MYO18A: variants seen among roughly 807,000 people sequenced by gnomAD.
The protein encoded by MYO18A is myosin XVIIIA, also known as unconventional myosin-XVIIIa.
In MYO18A, 78 loss-of-function variants were observed where a neutral mutation model predicts 235.8. The ratio of observed to expected loss-of-function variants is 0.33; its 90% confidence interval spans 0.28 to 0.40. MYO18A has a LOEUF of 0.40. Ranked by LOEUF, MYO18A falls within the 10% of genes least tolerant of loss-of-function variation. The probability of loss-of-function intolerance (pLI) is 1.00; values close to 1 mark genes in which losing one functional copy is unlikely to be tolerated. For synonymous variants in MYO18A, 977 were observed against 1,077.8 expected (o/e 0.91, Z 1.83); for missense variants, 2,215 against 2,699.3 (o/e 0.82, Z 3.98).
intron 21 of MYO18A, among the ~76,000 whole-genome samples, chr17:29,102,413 C>CA (rs1351131085): frequency 1.3e-5 from 2 of 152,134 alleles, no homozygotes; most frequent in Admixed American, 6.5e-5. Context: ...ATCCTGACAG[C>CA]AGATAGCCCT....
chr17:29,136,256 T>A (rs558700967), intron 2 of MYO18A, among the ~76,000 whole-genome samples: 2,938 of 117,084 alleles, frequency 0.025, 53 homozygotes, highest in East Asian at 0.075. Flanking sequence ...AAAAAATATA[T>A]ATATATATAT....
At chr17:29,085,468 T>C (rs538399423) in intron 40 of MYO18A, 136 bp downstream of exon 40, 19 of 756,592 alleles carry the variant, frequency 2.5e-5, no homozygotes, top group South Asian at 2.5e-4. Flanking sequence ...ATGTTAGCGT[T>C]AGAGACCAGT....
At position 29,126,811 on chromosome 17, in the gene MYO18A, G is replaced by A. The variant is rs2067332634; in HGVS notation, c.1000-4558C>T. Among the ~76,000 whole-genome samples the A allele has an allele frequency of 6.6e-6, 1 of 152,202 alleles. No homozygotes were observed. Among genetic ancestry groups the A allele is most frequent in the South Asian group, 2.1e-4 (1 of 4,834 alleles). On this transcript the variant is annotated intron_variant, in intron 2 of 41. Coordinates refer to ENST00000527372, the MANE Select transcript of MYO18A (RefSeq NM_078471.4). The surrounding 1 kb of genome is among the most constrained non-coding windows in gnomAD (Gnocchi z 4.1). The stretch of plus-strand genomic sequence containing the variant: ...AGCCAAGAAGGCAACACTTTCCAAG[G>A]GAAAGAGGCTGGACTGACCCTCCCT...
chr17:29,082,994 G>A (rs2066157534), intron 40 of MYO18A, among the ~76,000 whole-genome samples: 1 of 149,952 alleles, frequency 6.7e-6, no homozygotes, highest in Admixed American at 6.8e-5. Context: ...CACCAACCTG[G>A]GCTCTAGGTT....
chr17:29,165,959 G>A lies in MYO18A; in HGVS notation c.982C>T (p.Arg328Cys), dbSNP rs572606562. 4.8e-5 allele frequency: 78 copies of A among 1,612,766 alleles called. No individual in the cohort carries two copies. Among genetic ancestry groups the A allele is most frequent in the Non-Finnish European group, 5.8e-5 (68 of 1,179,570 alleles). The change falls in exon 2 of 42, where the codon CGC becomes TGC. Residue 328 changes from arginine to cysteine, a missense_variant. Transcript: ENST00000527372. ...GCACTCACATCGGATGGCTCCCTGC[G>A]AGGTCCCTCGCCGCTCCGCAGCCAG... ...RSWLRSGEGP[R>C]REPSDAKTEE...
At chr17:29,094,192 A>C (rs1363091068) in intron 30 of MYO18A, 102 bp from the exon 31 acceptor site, 222 of 795,052 alleles carry the variant, frequency 2.8e-4, no homozygotes, top group Non-Finnish European at 2.0e-6. Flanking sequence ...GAGAACGTCC[A>C]CCAGCCAGTT....
At chr17:29,130,709 C>G (rs1049016690) in intron 2 of MYO18A, among the ~76,000 whole-genome samples, 6 of 152,176 alleles carry the variant, frequency 3.9e-5, no homozygotes, top group African/African-American at 1.4e-4. Context: ...GCACTCCTGC[C>G]CCCTGTGCTA....
rs978501877 is a variant in MYO18A at position 29,120,161 on chromosome 17, C to A, written c.1728+455G>T. Among the ~76,000 whole-genome samples, 15 of 152,210 alleles carry A rather than the reference C, an allele frequency of 9.9e-5. No homozygotes were observed. The highest frequency in any genetic ancestry group is 1.6e-4 in the Non-Finnish European group (11 of 68,024). Reference sequence around the variant, plus strand: ...AAGACAGGCCCAGCTCCCAAAGGGGCCCTGCTGCTCTGCCCAGACCCCAGG... The same window carrying A: ...AAGACAGGCCCAGCTCCCAAAGGGGACCTGCTGCTCTGCCCAGACCCCAGG... On this transcript the variant is annotated intron_variant, in intron 7 of 41. Transcript: ENST00000527372. This position sits in a 1 kb window ranked among gnomAD's most constrained non-coding sequence, Gnocchi z 4.2.
intron 12 of MYO18A, 43 bp downstream of exon 12, chr17:29,115,621 G>A (rs1254662245): frequency 1.3e-6 from 2 of 1,543,728 alleles, no homozygotes; most frequent in South Asian, 1.2e-5. Context: ...AGCCCCAGAT[G>A]AGGCCTCACA....
Position 29,092,886 on chromosome 17 carries a change from C to T in MYO18A, c.5042G>A (p.Ser1681Asn), listed in dbSNP as rs368097941. The T allele has an allele frequency of 4.9e-5, 79 of 1,613,824 alleles. No individual in the cohort carries two copies. The Middle Eastern group carries it at 8.2e-4, about 17-fold the overall frequency. ...MLDHLKNSAPSKREIAQLKNQ... is the reference protein window; with the variant it reads ...MLDHLKNSAPNKREIAQLKNQ... ...CTTGAGCTGGGCAATCTCTCGCTTG[C>T]TGGGAGCACTGTTCTTCAGGTGGTC... Residue 1681 changes from serine (S) to asparagine (N), a missense_variant, in exon 33 of 42, where the codon AGC becomes AAC. Transcript: ENST00000527372.
intron 2 of MYO18A, among the ~76,000 whole-genome samples, chr17:29,156,982 G>A (rs572620035): frequency 6.6e-5 from 10 of 152,350 alleles, no homozygotes; most frequent in Admixed American, 1.3e-4. Context: ...AACACACAGA[G>A]GAAACAACAG....
intron 41 of MYO18A, chr17:29,075,374 T>C (rs1257701224): frequency 5.9e-6 from 1 of 169,672 alleles, no homozygotes; most frequent in Non-Finnish European, 1.4e-5. Flanking sequence ...CCTAAAAAGA[T>C]TCCTTCTGAG....
rs747144978 is a variant in MYO18A at position 29,166,477 on chromosome 17, G to A, written c.464C>T (p.Thr155Met). 2 of 1,613,694 alleles carry A rather than the reference G, an allele frequency of 1.2e-6. No individual in the cohort carries two copies. The highest frequency in any genetic ancestry group is 1.7e-6 in the Non-Finnish European group (2 of 1,179,854). ...GGGGGCGGCAGAGTGCTCTGAGGGC[G>A]TCGAGGTTTCTGAGGCGCTCTCATC... ...SRDESASETS[T>M]PSEHSAAPSP... The change falls in exon 2 of 42, where the codon ACG (threonine) becomes ATG (methionine). Residue 155 changes from threonine to methionine, a missense_variant. Physicochemically the swap from Thr to Met is moderately conservative, Grantham distance 81. Coordinates refer to ENST00000527372, the MANE Select transcript of MYO18A (RefSeq NM_078471.4).
intron 2 of MYO18A, among the ~76,000 whole-genome samples, chr17:29,159,673 G>A (rs776256224): frequency 9.2e-5 from 14 of 152,160 alleles, no homozygotes; most frequent in Non-Finnish European, 2.1e-4. Context: ...AGACCTGGAG[G>A]CAAGACCATT....
At chr17:29,150,742 G>A (rs780483563) in intron 2 of MYO18A, among the ~76,000 whole-genome samples, 1 of 152,180 alleles carries the variant, frequency 6.6e-6, no homozygotes, top group Non-Finnish European at 1.5e-5. Context: ...CAGCAAGATC[G>A]CTTGTCTTCC....
chr17:29,113,085 G>A (rs564737678), intron 15 of MYO18A, among the ~76,000 whole-genome samples: 1 of 152,330 alleles, frequency 6.6e-6, no homozygotes, highest in East Asian at 1.9e-4. Context: ...CCCTCTCCCG[G>A]GAACCACAAC....
intron 2 of MYO18A, among the ~76,000 whole-genome samples, chr17:29,137,807 C>A (rs1167350203): frequency 6.6e-6 from 1 of 152,072 alleles, no homozygotes; most frequent in African/African-American, 2.4e-5. Context: ...AGTATACAAA[C>A]AGTGATCATA....
intron 33 of MYO18A, 68 bp from the exon 34 acceptor site, chr17:29,092,524 A>G (rs1326946362): frequency 2.3e-6 from 3 of 1,323,424 alleles, no homozygotes; most frequent in African/African-American, 1.4e-5. Context: ...AGGGCTGTAC[A>G]GGAAAGAGGG....
chr17:29,092,462 C>T lies in MYO18A; in HGVS notation c.5074-6G>A. Reference sequence around the variant, plus strand: ...GTGAACTCTGACTCCTCCAGCTGGACACAGACCACCCCCGCCCCAGGGAGA... The same window carrying T: ...GTGAACTCTGACTCCTCCAGCTGGATACAGACCACCCCCGCCCCAGGGAGA... On this transcript the variant is annotated splice_region_variant and splice_polypyrimidine_tract_variant and intron_variant, in intron 33 of 41. Transcript: ENST00000527372. The T allele has an allele frequency of 6.2e-7, 1 of 1,607,086 alleles. No individual in the cohort carries two copies.
Sources: allele counts gnomAD v4.1 joint callset (sites outside exome capture counted in the v4.1 genomes callset), GRCh38; gene constraint gnomAD v4.1.1; non-coding constraint Gnocchi (gnomAD v3.1); transcripts MANE v1.5; gene names NCBI Gene and HGNC (gene_info 2026-07-23, HGNC 2026-07-21).